ZNF366: variants seen among roughly 807,000 people sequenced by gnomAD.
ZNF366 encodes the protein dendritic cell-specific transcript protein.
Under a neutral mutation model 47.2 loss-of-function variants are expected in ZNF366, and 20 were observed. The observed-to-expected ratio is 0.42, with a 90% CI of 0.30 to 0.62. ZNF366 has a LOEUF of 0.62. ZNF366 is among the 20% of genes least tolerant of loss of function. ZNF366 has a pLI of 0.16. For missense variants in ZNF366, 987 were observed against 976.3 expected, an observed-to-expected ratio of 1.01 and a Z score of -0.15; for synonymous variants, 421 against 395.1, an observed-to-expected ratio of 1.07 and a Z score of -0.78.
chr5:72,447,476 C>A lies in ZNF366; in HGVS notation c.1525-59G>T. 5 of 1,582,680 alleles carry A rather than the reference C, an allele frequency of 3.2e-6. No individual in the cohort carries two copies. In the South Asian group the frequency reaches 4.5e-5, roughly 14 times the overall value. ...CTGCCCGAGTGAAGCCCCATCCAGG[C>A]CCCTGGAGCACAGATACCGTTTCTA... On this transcript the variant is annotated intron_variant, in intron 3 of 4. Coordinates refer to ENST00000318442, the MANE Select transcript of ZNF366 (RefSeq NM_152625.3).
chr5:72,448,445 GC>G (rs768623505), intron 3 of ZNF366, among the ~76,000 whole-genome samples: 4 of 152,172 alleles, frequency 2.6e-5, no homozygotes, highest in Non-Finnish European at 5.9e-5. Flanking sequence ...CTCTGGGGGT[GC>G]TTTTGTTGTC....
rs1163820278 is a variant in ZNF366 at position 72,443,711 on chromosome 5, A to C, written c.*45T>G. The C allele has an allele frequency of 6.4e-7, 1 of 1,562,822 alleles. No homozygotes were observed. Among genetic ancestry groups the C allele is most frequent in the Non-Finnish European group, 8.7e-7 (1 of 1,155,020 alleles). On this transcript the variant is annotated 3_prime_UTR_variant, in exon 5 of 5. Transcript: ENST00000318442. ...AGTTCATGCAGAAAGCTATATTTGA[A>C]CTGCCTCCTTCTCATTTTCCAAATG...
chr5:72,458,016 T>TC (rs1743225641), intron 2 of ZNF366, among the ~76,000 whole-genome samples: 3 of 140,600 alleles, frequency 2.1e-5, no homozygotes, highest in African/African-American at 5.3e-5. Flanking sequence ...ATCTTTCTTT[T>TC]TTTTTTTTTT....
At position 72,460,238 on chromosome 5, in the gene ZNF366, G is replaced by A. The variant is rs1353174561; in HGVS notation, c.1259C>T (p.Pro420Leu). Residue 420 changes from proline (P) to leucine (L), a missense_variant, in exon 2 of 5, where the codon CCC becomes CTC. Pro to Leu is a moderately conservative substitution (Grantham distance 98). Around this residue, in one of 3 missense-constraint regions of ZNF366, gnomAD observed 111 missense variants for 180.5 expected, o/e 0.61. Transcript: ENST00000318442. Reference sequence around the variant, plus strand: ...CATGCCACACTCTGAGCAGATGTAGGGCCGGATGTCCTTGTGCTTCATCAT... The same window carrying A: ...CATGCCACACTCTGAGCAGATGTAGAGCCGGATGTCCTTGTGCTTCATCAT... ...NHMMKHKDIR[P>L]YICSECGMEF... The A allele has an allele frequency of 1.2e-6, 2 of 1,614,170 alleles. No homozygotes were observed. Among genetic ancestry groups the A allele is most frequent in the Admixed American group, 1.7e-5 (1 of 60,032 alleles).
rs1467787130 is a variant in ZNF366, at chr5:72,440,199, G to A, written c.*3557C>T. ...TAATATTTTATTAAATGCGTTCAGGGCTTAATAAATACAGTATGCACATTG... is the reference window on the plus strand; with the variant it reads ...TAATATTTTATTAAATGCGTTCAGGACTTAATAAATACAGTATGCACATTG... On this transcript the variant is annotated 3_prime_UTR_variant, in exon 5 of 5. Transcript: ENST00000318442. 6.6e-6 allele frequency: 1 copy of A among 152,128 alleles called. No homozygotes were observed. Among genetic ancestry groups the A allele is most frequent in the Non-Finnish European group, 1.5e-5 (1 of 68,016 alleles). 9.4% of individuals were successfully genotyped at this position (152,128 alleles called of 1,614,324 possible). A position where few individuals can be genotyped will look rare whatever the true frequency, so the allele number is the denominator to read the frequency against.
chr5:72,466,191 C>T (rs561861668), intron 1 of ZNF366, among the ~76,000 whole-genome samples: 5 of 152,196 alleles, frequency 3.3e-5, no homozygotes, highest in South Asian at 2.1e-4. Flanking sequence ...AGGTGAACCA[C>T]GCTCAAAAAG....
At chr5:72,477,388 G>C (rs1037810199) in intron 1 of ZNF366, among the ~76,000 whole-genome samples, 1 of 152,198 alleles carries the variant, frequency 6.6e-6, no homozygotes, top group African/African-American at 2.4e-5. Context: ...CCTGGAAGTT[G>C]AGCTAATGGC....
intron 1 of ZNF366, among the ~76,000 whole-genome samples, chr5:72,473,705 T>A (rs573752294): frequency 2.0e-5 from 3 of 152,312 alleles, no homozygotes; most frequent in Admixed American, 2.0e-4. Context: ...TTGTTTCAAA[T>A]CCTATGACAT....
chr5:72,458,613 A>G (rs919939730), intron 2 of ZNF366, among the ~76,000 whole-genome samples: 5 of 152,170 alleles, frequency 3.3e-5, no homozygotes, highest in Admixed American at 1.3e-4. Context: ...GGAAGTGTTC[A>G]CTGTAGAGTG....
chr5:72,444,169 C>T lies in ZNF366; in HGVS notation c.1822G>A (p.Gly608Arg), dbSNP rs757501081. 2.5e-5 allele frequency: 41 copies of T among 1,613,438 alleles called. No individual in the cohort carries two copies. The African/African-American group carries it at 4.0e-4, about 16-fold the overall frequency. The change falls in exon 5 of 5, where the codon GGG becomes AGG. Residue 608 changes from glycine (G) to arginine (R), a missense_variant. Physicochemically the swap from Gly to Arg is moderately radical, Grantham distance 125 (BLOSUM62 -2). This residue lies in a region of ZNF366 where 285 missense variants were observed against 234.8 expected (regional missense o/e 1.21). Transcript: ENST00000318442. ...RAKVPVFQSDGESAQGSHCHE... is the reference protein window; with the variant it reads ...RAKVPVFQSDRESAQGSHCHE... ...CAGTGGCTGCCCTGGGCACTCTCCC[C>T]GTCTGACTGGAACACCGGCACCTTG...
chr5:72,490,968 A>G (rs987356934), intron 1 of ZNF366, among the ~76,000 whole-genome samples: 12 of 152,210 alleles, frequency 7.9e-5, no homozygotes, highest in Non-Finnish European at 1.6e-4. Context: ...TGCTGTCTAC[A>G]TCTTTCCCTG....
chr5:72,503,859 G>A (rs1744264183), intron 1 of ZNF366, among the ~76,000 whole-genome samples: 1 of 152,194 alleles, frequency 6.6e-6, no homozygotes, highest in South Asian at 2.1e-4. Flanking sequence ...AATGGCTTTG[G>A]TTATTGGTGG....
chr5:72,489,321 A>G (rs1351120664), intron 1 of ZNF366, among the ~76,000 whole-genome samples: 1 of 152,106 alleles, frequency 6.6e-6, no homozygotes. Context: ...CTGTCAGTCT[A>G]GGGCCCAAAG....
chr5:72,450,976 A>G (rs1743057592), intron 3 of ZNF366, among the ~76,000 whole-genome samples: 1 of 152,198 alleles, frequency 6.6e-6, no homozygotes, highest in Non-Finnish European at 1.5e-5. Flanking sequence ...GAGTTAGACG[A>G]GAGGGAGGAG....
chr5:72,464,123 A>G (rs1384058016), intron 1 of ZNF366, among the ~76,000 whole-genome samples: 4 of 152,204 alleles, frequency 2.6e-5, no homozygotes, highest in Non-Finnish European at 5.9e-5. Context: ...AGAGGCAATA[A>G]TTCCTGGTAC....
In ZNF366 at chr5:72,444,265, C is replaced by A. The variant is rs1305805691; in HGVS notation, c.1726G>T (p.Ala576Ser). Residue 576 changes from alanine (A) to serine (S), a missense_variant, in exon 5 of 5, where the codon GCA (alanine) becomes TCA (serine). Transcript: ENST00000318442. ...CTCCTCAGGACACCGGCTGTCTGTG[C>A]CAGGGCGATTCTCCCCCTTCCCAGA... The part of the protein sequence containing the change: ...QGLGRGRIAL[A>S]QTAGVLRSLE... The A allele has an allele frequency of 6.2e-7, 1 of 1,612,154 alleles. No homozygotes were observed. Among genetic ancestry groups the A allele is most frequent in the Non-Finnish European group, 8.5e-7 (1 of 1,179,258 alleles).
chr5:72,447,216 T>C (rs1742977091), intron 4 of ZNF366, 27 bp downstream of exon 4: 2 of 1,612,388 alleles, frequency 1.2e-6, no homozygotes, highest in South Asian at 1.1e-5. Context: ...TGGACTGACT[T>C]GCAGGGCTTC....
At chr5:72,484,971 G>C (rs1313920008) in intron 1 of ZNF366, among the ~76,000 whole-genome samples, 2 of 152,236 alleles carry the variant, frequency 1.3e-5, no homozygotes, top group East Asian at 3.9e-4. Flanking sequence ...AATGTGTGTG[G>C]CTTGATGGTT....
intron 3 of ZNF366, among the ~76,000 whole-genome samples, chr5:72,455,813 G>A (rs776390225): frequency 1.3e-5 from 2 of 152,170 alleles, no homozygotes; most frequent in African/African-American, 2.4e-5. Context: ...GACTGTGCTC[G>A]CAGTTATTCC....
Sources: gnomAD v4.1 joint callset for allele counts (sites outside exome capture counted in the v4.1 genomes callset) on GRCh38, gnomAD v4.1.1 for gene constraint, gnomAD v4.1.1 regional missense constraint, MANE v1.5 for transcripts, NCBI Gene and HGNC (gene_info 2026-07-23, HGNC 2026-07-21) for gene names.